The following GRM7 variants were observed in gnomAD, a reference collection of about 807,000 sequenced individuals.
GRM7 encodes glutamate metabotropic receptor 7, also known as metabotropic glutamate receptor 7.
GRM7 carries 35 observed loss-of-function variants against 84.5 expected under a neutral mutation model. The ratio of observed to expected loss-of-function variants is 0.41; its 90% CI spans 0.32 to 0.55. The LOEUF (loss-of-function observed/expected upper bound fraction) is 0.55, where lower values mean the gene tolerates loss of function less well. Ranked by LOEUF, GRM7 falls within the 20% of genes least tolerant of loss-of-function variation. The probability of loss-of-function intolerance (pLI) is 0.19; values close to 1 mark genes in which losing one functional copy is unlikely to be tolerated. For missense variants in GRM7, 1,003 were observed against 1,194.6 expected, an observed-to-expected ratio of 0.84 and a Z score of 2.36; for synonymous variants, 487 against 455.1, an observed-to-expected ratio of 1.07 and a Z score of -0.89.
intron 7 of GRM7, among the ~76,000 whole-genome samples, chr3:7,568,361 AG>A (rs1473685295): frequency 6.6e-6 from 1 of 152,230 alleles, no homozygotes; most frequent in Non-Finnish European, 1.5e-5. Flanking sequence ...GTGGCTGAGG[AG>A]GCTTCACAAT....
intron 1 of GRM7, among the ~76,000 whole-genome samples, chr3:7,021,311 C>A (rs1695766347): frequency 6.6e-6 from 1 of 152,160 alleles, no homozygotes; most frequent in African/African-American, 2.4e-5. Flanking sequence ...TGAATTGATT[C>A]TATACCCTCC....
intron 1 of GRM7, among the ~76,000 whole-genome samples, chr3:6,946,656 G>A (rs1371848856): frequency 6.6e-6 from 1 of 152,116 alleles, no homozygotes; most frequent in Admixed American, 6.5e-5. Context: ...TGGGCAGTAT[G>A]GCCATTTTCA....
At chr3:7,232,958 G>A (rs1697241173) in intron 2 of GRM7, among the ~76,000 whole-genome samples, 1 of 152,084 alleles carries the variant, frequency 6.6e-6, no homozygotes, top group Non-Finnish European at 1.5e-5. Flanking sequence ...ACCCTGAAGG[G>A]AACACTTAGT....
chr3:7,298,818 G>A lies in GRM7; in HGVS notation c.871G>A (p.Asp291Asn). 2 of 1,613,402 alleles carry A rather than the reference G, an allele frequency of 1.2e-6. No individual in the cohort carries two copies. The highest frequency in any genetic ancestry group is 1.7e-6 in the Non-Finnish European group (2 of 1,179,500). The stretch of plus-strand genomic sequence containing the variant: ...CGTCGTGATTTTTGCCAACGATGAG[G>A]ATATAAAGTAAGAATAACTGGTGAC... ...RAVVIFANDE[D>N]IKQILAAAKR... The change falls in exon 3 of 10, where the codon GAT (aspartate) becomes AAT (asparagine). Residue 291 changes from aspartate to asparagine, a missense_variant. Physicochemically the swap from Asp to Asn is conservative, Grantham distance 23. This residue lies in a region of GRM7 where 910 missense variants were observed against 1,126.0 expected (regional missense o/e 0.81). Coordinates refer to ENST00000357716, the MANE Select transcript of GRM7 (RefSeq NM_000844.4).
intron 1 of GRM7, among the ~76,000 whole-genome samples, chr3:7,098,580 A>C (rs1205204194): frequency 1.3e-5 from 2 of 152,024 alleles, no homozygotes; most frequent in African/African-American, 4.8e-5. Context: ...AGTAATGAAG[A>C]CATTATTTAA....
chr3:7,459,718 A>T (rs2124904845), intron 6 of GRM7, among the ~76,000 whole-genome samples: 1 of 152,204 alleles, frequency 6.6e-6, no homozygotes, highest in African/African-American at 2.4e-5. Context: ...AACACATAGG[A>T]ATTATGGGAG....
At chr3:6,967,061 T>C (rs796845888) in intron 1 of GRM7, among the ~76,000 whole-genome samples, 1 of 152,236 alleles carries the variant, frequency 6.6e-6, no homozygotes, top group African/African-American at 2.4e-5. Context: ...TTCAAACTCC[T>C]GGCCTCAAGT....
Position 6,861,298 on chromosome 3 carries a change from C to G in GRM7, c.-91C>G. 8.3e-7 allele frequency: 1 copy of G among 1,203,670 alleles called. No homozygotes were observed. The highest frequency in any genetic ancestry group is 1.6e-5 in the African/African-American group (1 of 62,184). The allele number at this position is 1,203,670 out of a possible 1,614,324, so 74.6% of individuals were successfully genotyped here. On this transcript the variant is annotated 5_prime_UTR_variant, in exon 1 of 10. Coordinates refer to ENST00000357716, the MANE Select transcript of GRM7 (RefSeq NM_000844.4). This position sits in a 1 kb window ranked among gnomAD's most constrained non-coding sequence, Gnocchi z 6.4. Reference sequence around the variant, plus strand: ...GCCTGCAGGAGCCCCTGGGCTTTCCCGGAGGAGCTCGCCCTGAAGGGCCCG... The same window carrying G: ...GCCTGCAGGAGCCCCTGGGCTTTCCGGGAGGAGCTCGCCCTGAAGGGCCCG...
At chr3:6,887,600 T>A (rs900274032) in intron 1 of GRM7, among the ~76,000 whole-genome samples, 8 of 152,220 alleles carry the variant, frequency 5.3e-5, no homozygotes, top group Non-Finnish European at 1.2e-4. Context: ...ATGGTGTATA[T>A]ATGCCACATT....
At chr3:7,143,260 A>G (rs527475588) in intron 1 of GRM7, among the ~76,000 whole-genome samples, 12 of 152,306 alleles carry the variant, frequency 7.9e-5, no homozygotes, top group African/African-American at 2.6e-4. Context: ...AAAGCAAGTA[A>G]CTAAACATGA....
intron 7 of GRM7, among the ~76,000 whole-genome samples, chr3:7,562,890 A>C (rs945541173): frequency 5.3e-5 from 8 of 152,120 alleles, no homozygotes; most frequent in Non-Finnish European, 1.0e-4. Flanking sequence ...TTGCAGGGCT[A>C]GTTTTCATTA....
chr3:6,901,108 T>C (rs927613763), intron 1 of GRM7, among the ~76,000 whole-genome samples: 1 of 152,202 alleles, frequency 6.6e-6, no homozygotes, highest in Non-Finnish European at 1.5e-5. Flanking sequence ...TTACATTTGT[T>C]TTTATTTAGG....
intron 2 of GRM7, among the ~76,000 whole-genome samples, chr3:7,150,895 A>G (rs1694266396): frequency 1.3e-5 from 2 of 152,202 alleles, no homozygotes; most frequent in East Asian, 1.9e-4. Context: ...GACTACATAT[A>G]TGACTCTTAC....
At chr3:7,731,456 G>A (rs982186360) in intron 9 of GRM7, among the ~76,000 whole-genome samples, 2 of 152,190 alleles carry the variant, frequency 1.3e-5, no homozygotes, top group Admixed American at 6.5e-5. Context: ...AATTCTAACA[G>A]TAAGCGAGCT....
intron 8 of GRM7, among the ~76,000 whole-genome samples, chr3:7,614,521 CTTAA>C (rs1166469732): frequency 1.3e-5 from 2 of 152,228 alleles, no homozygotes; most frequent in East Asian, 3.9e-4. Flanking sequence ...TGTTCTTCTA[CTTAA>C]AACATATAGT....
At chr3:7,319,841 A>G (rs576355154) in intron 4 of GRM7, among the ~76,000 whole-genome samples, 9 of 152,148 alleles carry the variant, frequency 5.9e-5, no homozygotes, top group Middle Eastern at 3.4e-3. Context: ...TTATTGTTAA[A>G]CTTTTTCTTG....
At chr3:7,435,923 C>G (rs1432169135) in intron 5 of GRM7, among the ~76,000 whole-genome samples, 1 of 139,848 alleles carries the variant, frequency 7.2e-6, no homozygotes, top group Non-Finnish European at 1.5e-5. Context: ...AGGATGGTCT[C>G]CATCTCCTGA....
At chr3:7,594,925 C>G (rs3804886) in intron 8 of GRM7, among the ~76,000 whole-genome samples, 24,927 of 150,696 alleles carry the variant, frequency 0.17, 2,285 homozygotes, top group Middle Eastern at 0.27. Flanking sequence ...CTTCTATTCC[C>G]TAGTCTTCCT....
intron 7 of GRM7, among the ~76,000 whole-genome samples, chr3:7,546,618 C>A (rs994362777): frequency 5.3e-5 from 8 of 152,120 alleles, no homozygotes; most frequent in Non-Finnish European, 1.0e-4. Flanking sequence ...AAATTCCTCC[C>A]AAGAGTTTTT....
Sources: allele counts gnomAD v4.1 joint callset (sites outside exome capture counted in the v4.1 genomes callset), GRCh38; gene constraint gnomAD v4.1.1; regional missense constraint gnomAD v4.1.1; non-coding constraint Gnocchi (gnomAD v3.1); transcripts MANE v1.5; gene names NCBI Gene and HGNC (gene_info 2026-07-23, HGNC 2026-07-21).